TACR1: variants seen among roughly 807,000 people sequenced by gnomAD.
The protein encoded by TACR1 is tachykinin receptor 1, also known as substance-P receptor.
Under a neutral mutation model 35.8 loss-of-function variants are expected in TACR1, and 25 were observed. The ratio of observed to expected loss-of-function variants is 0.70; its 90% CI spans 0.51 to 0.98. TACR1 has a LOEUF of 0.98. Ranked by LOEUF, TACR1 falls within the 50% of genes least tolerant of loss-of-function variation. The pLI is 0.00. For missense variants in TACR1, 478 were observed against 522.9 expected (o/e 0.91, Z 0.84); for synonymous variants, 195 against 206.7 (o/e 0.94, Z 0.48).
At chr2:75,119,201 T>C (rs368815736) in intron 2 of TACR1, among the ~76,000 whole-genome samples, 1 of 152,250 alleles carries the variant, frequency 6.6e-6, no homozygotes, top group African/African-American at 2.4e-5. Context: ...ATTATACTGC[T>C]ATCTGATGAA....
intron 2 of TACR1, among the ~76,000 whole-genome samples, chr2:75,093,806 T>C: frequency 6.6e-6 from 1 of 152,204 alleles, no homozygotes; most frequent in East Asian, 1.9e-4. Flanking sequence ...GTTTCATGGC[T>C]ATTCCATTGA....
intron 2 of TACR1, among the ~76,000 whole-genome samples, chr2:75,070,548 A>T (rs1372200347): frequency 6.6e-6 from 1 of 152,238 alleles, no homozygotes; most frequent in Non-Finnish European, 1.5e-5. Flanking sequence ...AAGGTCACAC[A>T]GCAGACCTCG....
intron 1 of TACR1, among the ~76,000 whole-genome samples, chr2:75,158,280 A>G (rs966187884): frequency 6.6e-6 from 1 of 152,170 alleles, no homozygotes; most frequent in African/African-American, 2.4e-5. Context: ...TTTTAATTTG[A>G]CCAAGTGGAC....
chr2:75,057,796 G>A lies in TACR1; in HGVS notation c.585-4041C>T, dbSNP rs1468524938. ...GCTGTTACAGAAAGGTCGAAATGAA[G>A]TATCTCTGGAAATGGAAGGTGGTGA... is the stretch of plus-strand genomic sequence containing the variant. On this transcript the variant is annotated intron_variant, in intron 2 of 4. Transcript: ENST00000305249. Among the ~76,000 whole-genome samples the A allele has an allele frequency of 3.9e-5, 6 of 152,114 alleles. No individual in the cohort carries two copies. The East Asian group carries it at 9.6e-4, about 24-fold the overall frequency.
intron 1 of TACR1, among the ~76,000 whole-genome samples, chr2:75,151,449 T>C (rs1316080585): frequency 6.6e-6 from 1 of 152,252 alleles, no homozygotes; most frequent in Non-Finnish European, 1.5e-5. Context: ...GGCTGTGACT[T>C]CAGAGGATGC....
intron 1 of TACR1, among the ~76,000 whole-genome samples, chr2:75,136,269 G>C (rs1674287851): frequency 6.6e-6 from 1 of 152,192 alleles, no homozygotes; most frequent in African/African-American, 2.4e-5. Flanking sequence ...GGAGTAAGAA[G>C]TCCAAGGGGC....
At chr2:75,157,296 C>G (rs1258273803) in intron 1 of TACR1, among the ~76,000 whole-genome samples, 1 of 152,114 alleles carries the variant, frequency 6.6e-6, no homozygotes, top group Non-Finnish European at 1.5e-5. Context: ...TACCATCTGC[C>G]CACTGTAGTC....
intron 2 of TACR1, among the ~76,000 whole-genome samples, chr2:75,102,337 A>G (rs970890675): frequency 2.0e-5 from 3 of 152,240 alleles, no homozygotes; most frequent in African/African-American, 4.8e-5. Flanking sequence ...ACCTAAATGG[A>G]CAGTTGTTAC....
intron 2 of TACR1, among the ~76,000 whole-genome samples, chr2:75,080,219 C>T (rs745923406): frequency 1.1e-4 from 16 of 152,190 alleles, no homozygotes; most frequent in African/African-American, 1.4e-4. Flanking sequence ...GAATGCTAAA[C>T]GTCCCTTTGA....
intron 1 of TACR1, among the ~76,000 whole-genome samples, chr2:75,138,389 G>A (rs942203969): frequency 1.3e-5 from 2 of 152,122 alleles, no homozygotes; most frequent in African/African-American, 2.4e-5. Context: ...CTTTGCTTTC[G>A]ACCCATGAAT....
intron 2 of TACR1, among the ~76,000 whole-genome samples, chr2:75,098,596 G>A (rs1182110618): frequency 2.0e-5 from 3 of 152,112 alleles, no homozygotes; most frequent in South Asian, 2.1e-4. Context: ...TGAAGTGAGC[G>A]ACTCTCATCT....
intron 1 of TACR1, among the ~76,000 whole-genome samples, chr2:75,182,972 C>T (rs184162008): frequency 2.2e-4 from 34 of 152,274 alleles, no homozygotes; most frequent in Admixed American, 5.2e-4. Context: ...CTTATTAATA[C>T]TTATTTCTCC....
intron 2 of TACR1, among the ~76,000 whole-genome samples, chr2:75,099,545 C>T (rs1380724259): frequency 6.6e-6 from 1 of 152,180 alleles, no homozygotes; most frequent in Non-Finnish European, 1.5e-5. Context: ...CTATGATACT[C>T]ATCTGATAAA....
intron 1 of TACR1, among the ~76,000 whole-genome samples, chr2:75,191,111 C>A (rs1675834324): frequency 6.6e-6 from 1 of 152,194 alleles, no homozygotes; most frequent in Non-Finnish European, 1.5e-5. Flanking sequence ...TCCCCTTCCA[C>A]TGAGGTGGAA....
intron 1 of TACR1, among the ~76,000 whole-genome samples, chr2:75,193,035 T>C (rs1178799704): frequency 6.6e-6 from 1 of 152,038 alleles, no homozygotes; most frequent in Non-Finnish European, 1.5e-5. Flanking sequence ...TTTCTCTTCA[T>C]TCTCTTTCAT....
intron 2 of TACR1, among the ~76,000 whole-genome samples, chr2:75,086,456 A>C (rs1673190594): frequency 6.6e-6 from 1 of 152,218 alleles, no homozygotes; most frequent in South Asian, 2.1e-4. Context: ...CAAGTGCAGT[A>C]CTTGGCACAC....
At chr2:75,079,852 C>A (rs958167426) in intron 2 of TACR1, among the ~76,000 whole-genome samples, 1 of 149,128 alleles carries the variant, frequency 6.7e-6, no homozygotes, top group South Asian at 2.1e-4. Context: ...GAGTATTGAT[C>A]CCATGTTGGT....
intron 1 of TACR1, among the ~76,000 whole-genome samples, chr2:75,153,830 C>G (rs904789788): frequency 6.6e-6 from 1 of 152,202 alleles, no homozygotes; most frequent in Non-Finnish European, 1.5e-5. Flanking sequence ...CACGTATCCT[C>G]TCTTCCTATT....
intron 2 of TACR1, among the ~76,000 whole-genome samples, chr2:75,100,711 G>A (rs1006349418): frequency 1.3e-5 from 2 of 152,180 alleles, no homozygotes; most frequent in African/African-American, 4.8e-5. Flanking sequence ...TAAAGTAAGG[G>A]TTCATAAATA....
Sources: gnomAD v4.1 joint callset for allele counts (sites outside exome capture counted in the v4.1 genomes callset) on GRCh38, gnomAD v4.1.1 for gene constraint, MANE v1.5 for transcripts, NCBI Gene and HGNC (gene_info 2026-07-23, HGNC 2026-07-21) for gene names.